The following ZSWIM8 variants were observed in gnomAD, a reference collection of about 807,000 sequenced individuals.
ZSWIM8 encodes zinc finger SWIM domain-containing protein 8.
ZSWIM8 carries 27 observed loss-of-function variants against 173.7 expected under a neutral mutation model. That is an observed-to-expected ratio of 0.16 (90% confidence interval 0.11 to 0.21). The LOEUF (loss-of-function observed/expected upper bound fraction) is 0.21, where lower values mean the gene tolerates loss of function less well. Among genes scored for constraint, ZSWIM8 ranks in the 10% least tolerant of loss-of-function variants. ZSWIM8 has a pLI of 1.00. For missense variants in ZSWIM8, 1,627 were observed against 2,428.8 expected (o/e 0.67, Z 6.94); for synonymous variants, 958 against 962.0 (o/e 1.00, Z 0.08).
At position 73,789,108 on chromosome 10, in the gene ZSWIM8, C is replaced by T; in HGVS notation, c.375C>T (p.Cys125=). 3 of 1,613,942 alleles carry T rather than the reference C, an allele frequency of 1.9e-6. No homozygotes were observed. The highest frequency in any genetic ancestry group is 1.1e-5 in the South Asian group (1 of 91,092). ...ENEEDIRLYS[C]LANGSADEFQ... ...TCTTCACCCCCAGGCTGTATTCGTG[C>T]CTGGCCAATGGCAGTGCGGATGAGT... Residue 125 remains cysteine (C), a synonymous_variant, in exon 3 of 26, where the codon TGC becomes TGT. Transcript: ENST00000604729. This position sits in a 1 kb window ranked among gnomAD's most constrained non-coding sequence, Gnocchi z 6.8.
intron 7 of ZSWIM8, 67 bp downstream of exon 7, chr10:73,790,359 T>A: frequency 6.5e-7 from 1 of 1,532,306 alleles, no homozygotes; most frequent in Non-Finnish European, 8.8e-7. Flanking sequence ...TGATGACAGA[T>A]CCTTTCTTCT....
Position 73,800,535 on chromosome 10 carries a change from C to T in ZSWIM8, c.5002+63C>T. Reference sequence around the variant, plus strand: ...TGTGCCAGTGGCTCTTCAGAGGACCCTTCCTCTAGCTCTTCATTTGTTTAC... The same window carrying T: ...TGTGCCAGTGGCTCTTCAGAGGACCTTTCCTCTAGCTCTTCATTTGTTTAC... On this transcript the variant is annotated intron_variant, in intron 23 of 25. Transcript: ENST00000604729. The surrounding 1 kb of genome is among the most constrained non-coding windows in gnomAD (Gnocchi z 4.1). The T allele has an allele frequency of 6.2e-7, 1 of 1,603,264 alleles. No homozygotes were observed. Among genetic ancestry groups the T allele is most frequent in the Non-Finnish European group, 8.5e-7 (1 of 1,173,524 alleles).
Position 73,786,003 on chromosome 10 carries a change from G to T in ZSWIM8, c.125G>T (p.Arg42Leu), listed in dbSNP as rs2132630738. 6.2e-7 allele frequency: 1 copy of T among 1,601,672 alleles called. No homozygotes were observed. Among genetic ancestry groups the T allele is most frequent in the East Asian group, 2.3e-5 (1 of 44,096 alleles). The change falls in exon 1 of 26, where the codon CGG becomes CTG. Residue 42 changes from arginine (R) to leucine (L), a missense_variant. Coordinates refer to ENST00000604729, the MANE Select transcript of ZSWIM8 (RefSeq NM_001367799.1). ...GCCGAGAGCCTCTGCCAGAACTGGC[G>T]GGGATGGCGCAAACAGTCAGCGGGG... ...SEAESLCQNW[R>L]GWRKQSAGPN...
At chr10:73,795,019 T>C (rs2083572017) in intron 14 of ZSWIM8, 1 of 186,052 alleles carries the variant, frequency 5.4e-6, no homozygotes, top group African/African-American at 2.4e-5. Flanking sequence ...GTGGGAGAAT[T>C]GCTTTAGCCT....
At position 73,799,175 on chromosome 10, in the gene ZSWIM8, G is replaced by C. The variant is rs1477644760; in HGVS notation, c.4350G>C (p.Gly1450=). The part of the protein sequence containing the change: ...REGATSCSAS[G]IRAGGEAGRG... ...GGGCTACAAGCTGTAGTGCCAGTGG[G>C]ATCAGGGCAGGTGGGGAAGCTGGGC... The change falls in exon 21 of 26, where the codon GGG becomes GGC. Residue 1450 remains glycine, a synonymous_variant. Coordinates refer to ENST00000604729, the MANE Select transcript of ZSWIM8 (RefSeq NM_001367799.1). The C allele has an allele frequency of 6.2e-7, 1 of 1,611,702 alleles. No homozygotes were observed. Among genetic ancestry groups the C allele is most frequent in the Admixed American group, 1.7e-5 (1 of 59,524 alleles).
In ZSWIM8 at chr10:73,792,487, C is replaced by T; in HGVS notation, c.1948C>T (p.His650Tyr). 1 of 1,612,708 alleles carries T rather than the reference C, an allele frequency of 6.2e-7. No individual in the cohort carries two copies. Among genetic ancestry groups the T allele is most frequent in the South Asian group, 1.1e-5 (1 of 90,840 alleles). ...TGAGAGCCCTCCACCCTGTCCTCTC[C>T]ACGGTGGCTCCCGAGGCCCTTCCAC... ...FPESPPPCPL[H>Y]GGSRGPSTFL... Residue 650 changes from histidine to tyrosine, a missense_variant, in exon 10 of 26, where the codon CAC becomes TAC. Coordinates refer to ENST00000604729, the MANE Select transcript of ZSWIM8 (RefSeq NM_001367799.1). The surrounding 1 kb of genome is among the most constrained non-coding windows in gnomAD (Gnocchi z 4.3).
At position 73,794,055 on chromosome 10, in the gene ZSWIM8, C is replaced by T. The variant is rs2083520429; in HGVS notation, c.2625+11C>T. ...ACCAAGGCCTTGGAGGTCAGAGGCT[C>T]CATCTCAGCCTTGTATTTCAGTCTC... On this transcript the variant is annotated intron_variant, in intron 12 of 25. Transcript: ENST00000604729. The T allele has an allele frequency of 1.1e-5, 18 of 1,611,818 alleles. No individual in the cohort carries two copies. The highest frequency in any genetic ancestry group is 1.5e-5 in the Non-Finnish European group (18 of 1,178,974).
Position 73,797,440 on chromosome 10 carries a change from G to A in ZSWIM8, c.3497G>A (p.Arg1166Gln). ...TCGGATAGTTCCCCCACCTTAAGCC[G>A]GAGACCACTTCGAGGGGGCTGGGCC... is the stretch of plus-strand genomic sequence containing the variant. Reference protein sequence around the residue: ...TTSDSSPTLSRRPLRGGWAPT... With the variant: ...TTSDSSPTLSQRPLRGGWAPT... Residue 1166 changes from arginine (R) to glutamine (Q), a missense_variant, in exon 18 of 26, where the codon CGG (arginine) becomes CAG (glutamine). Arg to Gln is a conservative substitution (Grantham distance 43). Around this residue, in one of 18 missense-constraint regions of ZSWIM8, gnomAD observed 72 missense variants for 98.4 expected, o/e 0.73. Transcript: ENST00000604729. The surrounding 1 kb of genome is among the most constrained non-coding windows in gnomAD (Gnocchi z 5.6). 1.9e-6 allele frequency: 3 copies of A among 1,613,916 alleles called. No homozygotes were observed. Among genetic ancestry groups the A allele is most frequent in the Non-Finnish European group, 2.5e-6 (3 of 1,179,840 alleles).
chr10:73,790,920 G>A (rs930025903), intron 7 of ZSWIM8, 55 bp from the exon 8 acceptor site: 231 of 1,503,174 alleles, frequency 1.5e-4, no homozygotes, highest in Non-Finnish European at 2.0e-4. Flanking sequence ...AGCCCTTTTA[G>A]GTTTCATTCA....
intron 1 of ZSWIM8, chr10:73,786,377 G>C (rs1273970049): frequency 2.7e-6 from 1 of 370,810 alleles, no homozygotes; most frequent in African/African-American, 2.1e-5. Flanking sequence ...CTGTGACAGG[G>C]AGATCCTGTG....
intron 15 of ZSWIM8, 58 bp downstream of exon 15, chr10:73,795,721 G>T: frequency 6.4e-7 from 1 of 1,555,834 alleles, no homozygotes; most frequent in Non-Finnish European, 8.7e-7. Context: ...AGTTTGGGAG[G>T]CAGAGGCGGG....
In ZSWIM8 at chr10:73,786,100, G is replaced by T. The variant is rs752284889; in HGVS notation, c.208+14G>T. Reference sequence around the variant, plus strand: ...CCAGAATGCGAGGTGAGAGTGAGCTGGGGGGAAGAGGAGCGGCAGGCCCTG... The same window carrying T: ...CCAGAATGCGAGGTGAGAGTGAGCTTGGGGGAAGAGGAGCGGCAGGCCCTG... On this transcript the variant is annotated intron_variant, in intron 1 of 25. Transcript: ENST00000604729. 2.0e-6 allele frequency: 3 copies of T among 1,536,724 alleles called. No homozygotes were observed. The highest frequency in any genetic ancestry group is 1.9e-5 in the Admixed American group (1 of 52,500).
In ZSWIM8 at chr10:73,798,136, T is replaced by C. The variant is rs2083752835; in HGVS notation, c.3952+66T>C. The C allele has an allele frequency of 1.7e-5, 27 of 1,594,658 alleles. No homozygotes were observed. The South Asian group carries it at 2.8e-4, about 17-fold the overall frequency. On this transcript the variant is annotated intron_variant, in intron 19 of 25. Transcript: ENST00000604729. ...ATTGGTGGGGATAAGACCCTTATCTTTGTGGGGTTACTGATCTGATAAAAA... is the reference window on the plus strand; with the variant it reads ...ATTGGTGGGGATAAGACCCTTATCTCTGTGGGGTTACTGATCTGATAAAAA...
intron 13 of ZSWIM8, 63 bp downstream of exon 13, chr10:73,794,393 A>G (rs1274834828): frequency 7.0e-6 from 11 of 1,581,096 alleles, no homozygotes; most frequent in Non-Finnish European, 9.5e-6. Context: ...TCTAAGAAAG[A>G]CCAAGAGCCC....
chr10:73,795,548 C>T lies in ZSWIM8; in HGVS notation c.2918C>T (p.Thr973Ile). Residue 973 changes from threonine (T) to isoleucine (I), a missense_variant, in exon 15 of 26, where the codon ACA becomes ATA. This residue lies in a region of ZSWIM8 where 169 missense variants were observed against 235.3 expected (regional missense o/e 0.72). Transcript: ENST00000604729. ...EAAVAALGMK[T>I]TVSEAEHPLL... is the part of the protein sequence containing the mutation. ...GTCCTCTTTCTCGCAGGCATGAAGACAACAGTGAGCGAGGCAGAACATCCC... is the reference window on the plus strand; with the variant it reads ...GTCCTCTTTCTCGCAGGCATGAAGATAACAGTGAGCGAGGCAGAACATCCC... The T allele has an allele frequency of 6.2e-7, 1 of 1,613,918 alleles. No homozygotes were observed. Among genetic ancestry groups the T allele is most frequent in the Non-Finnish European group, 8.5e-7 (1 of 1,179,862 alleles).
In ZSWIM8 at chr10:73,791,493, C is replaced by T; in HGVS notation, c.1313C>T (p.Pro438Leu). ...RLAVLDPALS[P>L]QRRRELCTQL... ...GCCGTGCTGGACCCTGCACTCAGCC[C>T]CCAGCGGTGAGTCTCCCCTGAGGCT... The change falls in exon 9 of 26, where the codon CCC becomes CTC. Residue 438 changes from proline (P) to leucine (L), a missense_variant. Physicochemically the swap from Pro to Leu is moderately conservative, Grantham distance 98. Around this residue, in one of 18 missense-constraint regions of ZSWIM8, gnomAD observed 103 missense variants for 155.6 expected, o/e 0.66. Coordinates refer to ENST00000604729, the MANE Select transcript of ZSWIM8 (RefSeq NM_001367799.1). The surrounding 1 kb of genome is among the most constrained non-coding windows in gnomAD (Gnocchi z 6.0). 6.3e-7 allele frequency: 1 copy of T among 1,598,798 alleles called. No homozygotes were observed. The highest frequency in any genetic ancestry group is 1.1e-5 in the South Asian group (1 of 90,158).
Position 73,799,308 on chromosome 10 carries a change from A to G in ZSWIM8, c.4483A>G (p.Ser1495Gly). 1.2e-6 allele frequency: 2 copies of G among 1,606,638 alleles called. No individual in the cohort carries two copies. The highest frequency in any genetic ancestry group is 1.7e-6 in the Non-Finnish European group (2 of 1,176,776). Residue 1495 changes from serine (S) to glycine (G), a missense_variant, in exon 21 of 26, where the codon AGT becomes GGT. By Grantham distance (56) the Ser-to-Gly change is moderately conservative. Transcript: ENST00000604729. ...GGTGCCCGTCATATCGGTGGGGTCT[A>G]GTTTATACCCGGGTCCAGGACTGGG... ...TVVPVISVGS[S>G]LYPGPGLGHG...
Position 73,799,290 on chromosome 10 carries a change from G to T in ZSWIM8, c.4465G>T (p.Val1489Phe). The change falls in exon 21 of 26, where the codon GTC becomes TTC. Residue 1489 changes from valine to phenylalanine, a missense_variant. Physicochemically the swap from Val to Phe is conservative, Grantham distance 50. Coordinates refer to ENST00000604729, the MANE Select transcript of ZSWIM8 (RefSeq NM_001367799.1). ...AVTAAATVVP[V>F]ISVGSSLYPG... is the part of the protein sequence containing the mutation. ...GACAGCAGCAGCCACAGTGGTGCCC[G>T]TCATATCGGTGGGGTCTAGTTTATA... The T allele has an allele frequency of 1.2e-6, 2 of 1,602,184 alleles. No homozygotes were observed. The highest frequency in any genetic ancestry group is 8.5e-7 in the Non-Finnish European group (1 of 1,174,584).
At chr10:73,795,470 G>A in intron 14 of ZSWIM8, 69 bp from the exon 15 acceptor site, 1 of 1,593,822 alleles carries the variant, frequency 6.3e-7, no homozygotes, top group Non-Finnish European at 8.6e-7. Context: ...TGGGAACCCT[G>A]GCCTCTTACC....
Sources: gnomAD v4.1 joint callset for allele counts on GRCh38, gnomAD v4.1.1 for gene constraint, gnomAD v4.1.1 regional missense constraint, Gnocchi (gnomAD v3.1) non-coding constraint, MANE v1.5 for transcripts, NCBI Gene and HGNC (gene_info 2026-07-23, HGNC 2026-07-21) for gene names.